Variants in KCNQ1 observed in about 807,000 individuals in gnomAD.
KCNQ1 encodes the protein potassium voltage-gated channel subfamily KQT member 1.
In KCNQ1, 49 loss-of-function variants were observed where a neutral mutation model predicts 72.4. The observed-to-expected ratio is 0.68, with a 90% CI of 0.54 to 0.86. The LOEUF (loss-of-function observed/expected upper bound fraction) is 0.86, where lower values mean the gene tolerates loss of function less well. Among genes scored for constraint, KCNQ1 ranks in the 40% least tolerant of loss-of-function variants. KCNQ1 has a pLI of 0.00. For synonymous variants in KCNQ1, 450 were observed against 412.6 expected (o/e 1.09, Z -1.10); for missense variants, 790 against 945.1 (o/e 0.84, Z 2.15).
intron 1 of KCNQ1, among the ~76,000 whole-genome samples, chr11:2,505,529 C>G (rs1411282857): frequency 1.3e-5 from 2 of 152,166 alleles, no homozygotes; most frequent in African/African-American, 4.8e-5. Context: ...AACTTATCTT[C>G]TGCCTGGTTG....
chr11:2,657,174 C>G lies in KCNQ1; in HGVS notation c.1394-4787C>G. On this transcript the variant is annotated intron_variant, in intron 10 of 15. Transcript: ENST00000155840. This position sits in a 1 kb window ranked among gnomAD's most constrained non-coding sequence, Gnocchi z 4.8. ...GTACAGCAAGTTCTCCCACCTTGTTCTTCTTCAAGAATATTGCCAATTCTT... is the reference window on the plus strand; with the variant it reads ...GTACAGCAAGTTCTCCCACCTTGTTGTTCTTCAAGAATATTGCCAATTCTT... The G allele has an allele frequency of 2.5e-6, 1 of 398,640 alleles. No individual in the cohort carries two copies. The highest frequency in any genetic ancestry group is 3.6e-5 in the East Asian group (1 of 28,080). 24.7% of individuals were successfully genotyped at this position (398,640 alleles called of 1,614,324 possible).
At chr11:2,749,641 CAAAAAAAAAAA>C (rs35701102) in intron 11 of KCNQ1, among the ~76,000 whole-genome samples, 179 of 87,108 alleles carry the variant, frequency 2.1e-3, no homozygotes, top group African/African-American at 6.6e-3. Context: ...ACTAAAAATA[CAAAAAAAAAAA>C]AAAAAAAAAA....
chr11:2,474,405 C>T (rs560638934), intron 1 of KCNQ1, among the ~76,000 whole-genome samples: 16 of 152,254 alleles, frequency 1.1e-4, no homozygotes, highest in African/African-American at 3.4e-4. Context: ...AGTGGGCACC[C>T]GAGCCCTGTG....
Position 2,464,488 on chromosome 11 carries a change from G to T in KCNQ1, c.386+19004G>T, listed in dbSNP as rs771159001. ...GTGATTTGACCTAGGAGAGTGCCGGGGTGGGGGCAGGTGCACTGTGGTCCT... is the reference window on the plus strand; with the variant it reads ...GTGATTTGACCTAGGAGAGTGCCGGTGTGGGGGCAGGTGCACTGTGGTCCT... On this transcript the variant is annotated intron_variant, in intron 1 of 15. Transcript: ENST00000155840. This position sits in a 1 kb window ranked among gnomAD's most constrained non-coding sequence, Gnocchi z 5.0. Among the ~76,000 whole-genome samples the T allele has an allele frequency of 1.3e-5, 2 of 152,156 alleles. No homozygotes were observed. The highest frequency in any genetic ancestry group is 2.9e-5 in the Non-Finnish European group (2 of 68,032).
At position 2,527,938 on chromosome 11, in the gene KCNQ1, G is replaced by C. The variant is rs199473449; in HGVS notation, c.397G>C (p.Val133Leu). Residue 133 changes from valine (V) to leucine (L), a missense_variant, in exon 2 of 16, where the codon GTC (valine) becomes CTC (leucine). By Grantham distance (32) the Val-to-Leu change is conservative. Transcript: ENST00000155840. ...FVYHFAVFLI[V>L]LVCLIFSVLS... ...GTCCCTGTCTTGCAGCTTCCTCATC[G>C]TCCTGGTCTGCCTCATCTTCAGCGT... The C allele has an allele frequency of 4.3e-6, 7 of 1,613,930 alleles. No homozygotes were observed. The highest frequency in any genetic ancestry group is 5.9e-6 in the Non-Finnish European group (7 of 1,179,982).
At chr11:2,733,047 CCTGGAGCCAGCCCCTTACCTT>C (rs1228656589) in intron 11 of KCNQ1, among the ~76,000 whole-genome samples, 1 of 152,278 alleles carries the variant, frequency 6.6e-6, no homozygotes, top group East Asian at 1.9e-4. Flanking sequence ...CCATCCTCCA[CCTGGAGCCAGCCCCTTACCTT>C]CTGGAGCCTC....
In KCNQ1 at chr11:2,486,040, T is replaced by A. The variant is rs143431218; in HGVS notation, c.386+40556T>A. Among the ~76,000 whole-genome samples the A allele has an allele frequency of 6.6e-6, 1 of 152,202 alleles. No individual in the cohort carries two copies. The highest frequency in any genetic ancestry group is 1.5e-5 in the Non-Finnish European group (1 of 68,026). On this transcript the variant is annotated intron_variant, in intron 1 of 15. Coordinates refer to ENST00000155840, the MANE Select transcript of KCNQ1 (RefSeq NM_000218.3). The surrounding 1 kb of genome is among the most constrained non-coding windows in gnomAD (Gnocchi z 5.0). Reference sequence around the variant, plus strand: ...TATCTTTTCAACGCCCTGCTTTCAATTCTTTTGGGTATATACCCAGAAGTG... The same window carrying A: ...TATCTTTTCAACGCCCTGCTTTCAAATCTTTTGGGTATATACCCAGAAGTG...
rs918882177 is a variant in KCNQ1 at position 2,492,720 on chromosome 11, A to G, written c.387-35208A>G. Among the ~76,000 whole-genome samples, 3 of 152,190 alleles carry G rather than the reference A, an allele frequency of 2.0e-5. No homozygotes were observed. The highest frequency in any genetic ancestry group is 4.4e-5 in the Non-Finnish European group (3 of 68,046). Reference sequence around the variant, plus strand: ...ATGGCTGCATATTATTCCATGGTGTATATGTGCCACATTTTCTTTATCCAG... The same window carrying G: ...ATGGCTGCATATTATTCCATGGTGTGTATGTGCCACATTTTCTTTATCCAG... On this transcript the variant is annotated intron_variant, in intron 1 of 15. Transcript: ENST00000155840. The surrounding 1 kb of genome is among the most constrained non-coding windows in gnomAD (Gnocchi z 4.1).
In KCNQ1 at chr11:2,537,713, T is replaced by G. The variant is rs1847756375; in HGVS notation, c.477+9695T>G. On this transcript the variant is annotated intron_variant, in intron 2 of 15. Transcript: ENST00000155840. The surrounding 1 kb of genome is among the most constrained non-coding windows in gnomAD (Gnocchi z 5.2). ...GTTTTGTGGGGTTTTTTGTTGTTGG[T>G]TTTTTATTTTTATTTTTTTGAGAGA... 6.6e-6 allele frequency among the ~76,000 whole-genome samples: 1 copy of G among 150,744 alleles called. No homozygotes were observed. The highest frequency in any genetic ancestry group is 1.5e-5 in the Non-Finnish European group (1 of 68,000).
intron 10 of KCNQ1, chr11:2,649,544 G>A (rs1251031149): frequency 2.5e-6 from 1 of 398,410 alleles, no homozygotes; most frequent in African/African-American, 2.1e-5. Context: ...CTTCATTTCT[G>A]AAGGATAGCT....
At chr11:2,548,559 G>A (rs1412925714) in intron 2 of KCNQ1, among the ~76,000 whole-genome samples, 2 of 152,230 alleles carry the variant, frequency 1.3e-5, no homozygotes, top group African/African-American at 2.4e-5. Flanking sequence ...ACACGTTTAC[G>A]TGTCTGCAAA....
Position 2,724,149 on chromosome 11 carries a change from C to T in KCNQ1, c.1515-44695C>T, listed in dbSNP as rs550057175. Among the ~76,000 whole-genome samples, 16 of 152,224 alleles carry T rather than the reference C, an allele frequency of 1.1e-4. No individual in the cohort carries two copies. Among genetic ancestry groups the T allele is most frequent in the African/African-American group, 4.8e-5 (2 of 41,524 alleles). On this transcript the variant is annotated intron_variant, in intron 11 of 15. Transcript: ENST00000155840. The surrounding 1 kb of genome is among the most constrained non-coding windows in gnomAD (Gnocchi z 6.8). ...CGTTCTGGTAAGATCGCCAGGGGGC[C>T]GCGACAAGGAGACCAGGAAGGAAAG...
chr11:2,673,886 G>GTGC lies in KCNQ1; in HGVS notation c.1514+11805_1514+11806insTGC. ...AGGGACTTCCTGAAAGCAGGCACAG[G>GTGC]AAGGGATGGGAGCTCAGCTCACCGG... is the stretch of plus-strand genomic sequence containing the variant. On this transcript the variant is annotated intron_variant, in intron 11 of 15. Transcript: ENST00000155840. This position sits in a 1 kb window ranked among gnomAD's most constrained non-coding sequence, Gnocchi z 4.5. The GTGC allele has an allele frequency of 5.0e-6, 2 of 398,438 alleles. No individual in the cohort carries two copies. The highest frequency in any genetic ancestry group is 7.1e-5 in the East Asian group (2 of 28,038). 24.7% of individuals were successfully genotyped at this position (398,438 alleles called of 1,614,324 possible).
rs74046870 is a variant in KCNQ1 at position 2,685,184 on chromosome 11, C to T, written c.1514+23103C>T. The stretch of plus-strand genomic sequence containing the variant: ...GAGGATCCCCATCTGCATGGAATGC[C>T]CCCTTCGTGGGGATGGCTGGCACAG... On this transcript the variant is annotated intron_variant, in intron 11 of 15. Coordinates refer to ENST00000155840, the MANE Select transcript of KCNQ1 (RefSeq NM_000218.3). 4.3e-3 allele frequency: 1,722 copies of T among 398,622 alleles called. 24 individuals carry two copies. Among genetic ancestry groups the T allele is most frequent in the African/African-American group, 0.032 (1,576 of 48,734 alleles). 24.7% of individuals were successfully genotyped at this position (398,622 alleles called of 1,614,324 possible).
At chr11:2,694,521 G>A (rs1850641954) in intron 11 of KCNQ1, 1 of 398,680 alleles carries the variant, frequency 2.5e-6, no homozygotes, top group Non-Finnish European at 4.4e-6. Flanking sequence ...AACCCTGGTT[G>A]CAAGGGGTCA....
chr11:2,738,295 TG>T (rs1417072738), intron 11 of KCNQ1, among the ~76,000 whole-genome samples: 1 of 145,472 alleles, frequency 6.9e-6, no homozygotes, highest in Non-Finnish European at 1.5e-5. Flanking sequence ...TCCTTGGCCA[TG>T]GGGGTGGGCA....
intron 13 of KCNQ1, 97 bp from the exon 14 acceptor site, chr11:2,776,889 C>A: frequency 8.0e-7 from 1 of 1,242,242 alleles, no homozygotes; most frequent in Non-Finnish European, 1.2e-6. Flanking sequence ...AGTCCACTGT[C>A]TTGCCGGGCA....
chr11:2,655,797 C>T (rs1054285944), intron 10 of KCNQ1: 4 of 398,362 alleles, frequency 1.0e-5, no homozygotes, highest in East Asian at 3.6e-5. Context: ...GGAGAAAGCA[C>T]GCCCCACAGT....
At chr11:2,765,753 T>G (rs1259799958) in intron 11 of KCNQ1, among the ~76,000 whole-genome samples, 3 of 152,230 alleles carry the variant, frequency 2.0e-5, no homozygotes, top group African/African-American at 7.2e-5. Context: ...AGTCTGCTAT[T>G]GGTTTTCCTT....
Sources: allele counts gnomAD v4.1 joint callset (sites outside exome capture counted in the v4.1 genomes callset), GRCh38; gene constraint gnomAD v4.1.1; non-coding constraint Gnocchi (gnomAD v3.1); transcripts MANE v1.5; gene names NCBI Gene and HGNC (gene_info 2026-07-23, HGNC 2026-07-21).